CCNY: variants seen among roughly 807,000 people sequenced by gnomAD.
CCNY encodes cyclin Y, also known as cyclin-Y.
In CCNY, 19 loss-of-function variants were observed where a neutral mutation model predicts 42.8. That is an observed-to-expected ratio of 0.44 (90% CI 0.31 to 0.65). The LOEUF (loss-of-function observed/expected upper bound fraction) is 0.65, where lower values mean the gene tolerates loss of function less well. Ranked by LOEUF, CCNY falls within the 30% of genes least tolerant of loss-of-function variation. The pLI is 0.07. For missense variants in CCNY, 370 were observed against 437.3 expected, an observed-to-expected ratio of 0.85 and a Z score of 1.37; for synonymous variants, 165 against 162.7, an observed-to-expected ratio of 1.01 and a Z score of -0.11.
chr10:35,268,610 T>G (rs532573191), intron 3 of CCNY, among the ~76,000 whole-genome samples: 29 of 152,332 alleles, frequency 1.9e-4, no homozygotes, highest in Admixed American at 1.6e-3. Flanking sequence ...CAGGGCTCTC[T>G]GCAGTGACCC....
intron 1 of CCNY, among the ~76,000 whole-genome samples, chr10:35,338,425 A>G (rs1056644823): frequency 6.6e-6 from 1 of 152,248 alleles, no homozygotes; most frequent in Non-Finnish European, 1.5e-5. Flanking sequence ...ATGGTTCCAT[A>G]TGACGTGTCT....
chr10:35,496,659 C>A (rs902694111), intron 2 of CCNY, among the ~76,000 whole-genome samples: 3 of 151,968 alleles, frequency 2.0e-5, no homozygotes, highest in Non-Finnish European at 4.4e-5. Context: ...ATAGTGAGAT[C>A]TCATCTCTAA....
intron 1 of CCNY, among the ~76,000 whole-genome samples, chr10:35,371,867 TAAGC>T (rs1836944800): frequency 6.6e-6 from 1 of 152,182 alleles, no homozygotes; most frequent in Admixed American, 6.5e-5. Context: ...TCTGAGTTCT[TAAGC>T]AAGTCCATGA....
At chr10:35,550,330 T>C (rs1841227187) in intron 7 of CCNY, among the ~76,000 whole-genome samples, 1 of 152,204 alleles carries the variant, frequency 6.6e-6, no homozygotes, top group African/African-American at 2.4e-5. Flanking sequence ...CCTACACTGC[T>C]CATGACACTG....
chr10:35,549,738 C>A (rs1841207027), intron 7 of CCNY, among the ~76,000 whole-genome samples: 2 of 143,034 alleles, frequency 1.4e-5, no homozygotes, highest in South Asian at 4.6e-4. Context: ...CTGCTCATGG[C>A]CCATGACCCT....
At chr10:35,397,627 A>G (rs1837553791) in intron 1 of CCNY, among the ~76,000 whole-genome samples, 1 of 152,180 alleles carries the variant, frequency 6.6e-6, no homozygotes, top group Admixed American at 6.5e-5. Context: ...TATGCAGGGT[A>G]CCAAATGAAC....
At chr10:35,354,209 G>A (rs1215387650) in intron 1 of CCNY, among the ~76,000 whole-genome samples, 8 of 135,430 alleles carry the variant, frequency 5.9e-5, no homozygotes, top group Non-Finnish European at 9.3e-5. Context: ...TTTTTGGGAT[G>A]ACATCTCACT....
chr10:35,453,403 A>G (rs905601207), intron 1 of CCNY, among the ~76,000 whole-genome samples: 37 of 152,328 alleles, frequency 2.4e-4, no homozygotes, highest in African/African-American at 8.2e-4. Context: ...ATTACTAGAC[A>G]TATAGGTTGT....
At chr10:35,274,211 G>C (rs900059464) in intron 3 of CCNY, among the ~76,000 whole-genome samples, 1 of 152,176 alleles carries the variant, frequency 6.6e-6, no homozygotes. Flanking sequence ...TGAGAACCAA[G>C]TGAAAGGGGA....
intron 1 of CCNY, among the ~76,000 whole-genome samples, chr10:35,451,607 A>G (rs1838917852): frequency 6.6e-6 from 1 of 152,190 alleles, no homozygotes; most frequent in Admixed American, 6.5e-5. Flanking sequence ...GTATGGCACT[A>G]GACAGAGCTG....
intron 2 of CCNY, among the ~76,000 whole-genome samples, chr10:35,485,765 G>T (rs1237184242): frequency 6.6e-6 from 1 of 151,764 alleles, no homozygotes; most frequent in Non-Finnish European, 1.5e-5. Flanking sequence ...CGTAGATTTG[G>T]TAACTTTAAT....
chr10:35,362,977 A>C (rs1295228057), intron 1 of CCNY, among the ~76,000 whole-genome samples: 5 of 145,018 alleles, frequency 3.4e-5, no homozygotes, highest in African/African-American at 1.0e-4. Flanking sequence ...CTCACTTCCC[A>C]GACAGGGCGG....
intron 7 of CCNY, among the ~76,000 whole-genome samples, chr10:35,531,454 C>A (rs1840769494): frequency 6.6e-6 from 1 of 152,176 alleles, no homozygotes; most frequent in Non-Finnish European, 1.5e-5. Flanking sequence ...GATAATAGAA[C>A]AGACAATCAA....
intron 1 of CCNY, among the ~76,000 whole-genome samples, chr10:35,473,474 C>T (rs957629835): frequency 6.6e-6 from 1 of 152,108 alleles, no homozygotes; most frequent in African/African-American, 2.4e-5. Context: ...AGAGTCAGAG[C>T]TCTCTGCACG....
chr10:35,424,440 G>A (rs1259331009), intron 1 of CCNY, among the ~76,000 whole-genome samples: 3 of 152,176 alleles, frequency 2.0e-5, no homozygotes, highest in Non-Finnish European at 4.4e-5. Context: ...TGGTCAGGCT[G>A]GTCTCGAACT....
intron 7 of CCNY, among the ~76,000 whole-genome samples, chr10:35,544,400 G>A (rs1841069573): frequency 6.6e-6 from 1 of 152,086 alleles, no homozygotes; most frequent in Non-Finnish European, 1.5e-5. Context: ...TGCTATACAG[G>A]TTTGCAGTCT....
intron 1 of CCNY, among the ~76,000 whole-genome samples, chr10:35,468,413 A>G (rs939994208): frequency 1.3e-5 from 2 of 152,190 alleles, no homozygotes; most frequent in African/African-American, 4.8e-5. Context: ...ACGTGTGTGT[A>G]TATGTGTGTG....
At chr10:35,351,677 T>C (rs902136707) in intron 1 of CCNY, among the ~76,000 whole-genome samples, 2 of 152,238 alleles carry the variant, frequency 1.3e-5, no homozygotes, top group African/African-American at 2.4e-5. Context: ...CAGAATATTT[T>C]AAGAATTTTT....
At chr10:35,364,517 G>C (rs1836768534) in intron 1 of CCNY, among the ~76,000 whole-genome samples, 1 of 152,072 alleles carries the variant, frequency 6.6e-6, no homozygotes, top group Non-Finnish European at 1.5e-5. Context: ...GTTGTGGTGG[G>C]GGCACATATG....
Sources: allele counts gnomAD v4.1 joint callset (sites outside exome capture counted in the v4.1 genomes callset), GRCh38; gene constraint gnomAD v4.1.1; transcripts MANE v1.5; gene names NCBI Gene and HGNC (gene_info 2026-07-23, HGNC 2026-07-21).